SNAP91: variants seen among roughly 807,000 people sequenced by gnomAD.
The protein encoded by SNAP91 is synaptosome associated protein 91.
A neutral mutation model predicts 100.3 loss-of-function variants in SNAP91; 27 were observed. That is an observed-to-expected ratio of 0.27 (90% CI 0.20 to 0.37). The LOEUF (loss-of-function observed/expected upper bound fraction) is 0.37. Ranked by LOEUF, SNAP91 falls within the 10% of genes least tolerant of loss-of-function variation. SNAP91 has a pLI of 1.00. For synonymous variants in SNAP91, 404 were observed against 398.6 expected, an observed-to-expected ratio of 1.01 and a Z score of -0.16; for missense variants, 986 against 1,123.7, an observed-to-expected ratio of 0.88 and a Z score of 1.75.
At chr6:83,651,763 T>C (rs982812625) in intron 7 of SNAP91, among the ~76,000 whole-genome samples, 1 of 152,194 alleles carries the variant, frequency 6.6e-6, no homozygotes, top group African/African-American at 2.4e-5. Flanking sequence ...TTATATCTAG[T>C]TGATGGTGTT....
At chr6:83,654,948 T>A (rs1055413337) in intron 7 of SNAP91, among the ~76,000 whole-genome samples, 1 of 152,202 alleles carries the variant, frequency 6.6e-6, no homozygotes, top group African/African-American at 2.4e-5. Context: ...TTCTGTCATC[T>A]AGCAGAGATG....
chr6:83,620,699 G>C (rs188558543), intron 9 of SNAP91, among the ~76,000 whole-genome samples: 1 of 151,024 alleles, frequency 6.6e-6, no homozygotes, highest in African/African-American at 2.5e-5. Flanking sequence ...ATTTTTCTAT[G>C]AACAGGTTTT....
At chr6:83,582,497 T>G in intron 22 of SNAP91, 141 bp from the exon 23 acceptor site, 1 of 862,764 alleles carries the variant, frequency 1.2e-6, no homozygotes. Flanking sequence ...GAGAAGCTCA[T>G]TTCTGAAAAG....
chr6:83,663,061 T>G (rs1233110716), intron 3 of SNAP91, among the ~76,000 whole-genome samples: 2 of 152,142 alleles, frequency 1.3e-5, no homozygotes, highest in Non-Finnish European at 2.9e-5. Flanking sequence ...GTTACTAATG[T>G]AATTGTTCTG....
In SNAP91 at chr6:83,657,688, C is replaced by G. The variant is rs535569923; in HGVS notation, c.547-823G>C. Among the ~76,000 whole-genome samples, 11 of 151,768 alleles carry G rather than the reference C, an allele frequency of 7.2e-5. No individual in the cohort carries two copies. The South Asian group carries it at 2.3e-3, about 32-fold the overall frequency. ...GAAAATCTTTGTTGTAGGCAACTAC[C>G]AAAATACAAAAAGGCTGAACAATAT... is the stretch of plus-strand genomic sequence containing the variant. On this transcript the variant is annotated intron_variant, in intron 6 of 29. Coordinates refer to ENST00000369694, the MANE Select transcript of SNAP91 (RefSeq NM_001242792.2).
At chr6:83,554,692 G>A (rs2127737862) in intron 29 of SNAP91, among the ~76,000 whole-genome samples, 1 of 152,192 alleles carries the variant, frequency 6.6e-6, no homozygotes, top group Middle Eastern at 3.4e-3. Context: ...ATTCAGTTAT[G>A]GTGTTCAATG....
intron 2 of SNAP91, among the ~76,000 whole-genome samples, chr6:83,675,894 T>A: frequency 8.7e-6 from 1 of 114,314 alleles, no homozygotes; most frequent in East Asian, 2.5e-4. Flanking sequence ...TGGCTGCCAA[T>A]GTCAAAAAAG....
At chr6:83,557,981 T>C (rs763730580) in intron 28 of SNAP91, among the ~76,000 whole-genome samples, 4 of 151,904 alleles carry the variant, frequency 2.6e-5, no homozygotes, top group Admixed American at 6.6e-5. Context: ...AAAAATTACA[T>C]AAATATGGTG....
At chr6:83,701,303 G>T (rs1471063376) in intron 2 of SNAP91, among the ~76,000 whole-genome samples, 3 of 152,124 alleles carry the variant, frequency 2.0e-5, no homozygotes, top group Non-Finnish European at 4.4e-5. Context: ...AACTCATGTA[G>T]AAAGGACAGT....
chr6:83,705,885 T>C (rs1228672081), intron 2 of SNAP91, among the ~76,000 whole-genome samples: 1 of 151,474 alleles, frequency 6.6e-6, no homozygotes, highest in Non-Finnish European at 1.5e-5. Context: ...TAATATAAAG[T>C]TCAGTTCGTG....
intron 8 of SNAP91, among the ~76,000 whole-genome samples, chr6:83,629,168 C>G (rs1247897527): frequency 6.6e-6 from 1 of 152,024 alleles, no homozygotes; most frequent in Non-Finnish European, 1.5e-5. Context: ...GATCAGTAAG[C>G]TGTAAGTATT....
chr6:83,601,245 T>C (rs1223844737), intron 16 of SNAP91, 26 bp downstream of exon 16: 1 of 1,609,284 alleles, frequency 6.2e-7, no homozygotes, highest in Non-Finnish European at 8.5e-7. Context: ...CCTGAAAAAA[T>C]GAAAGTAGCA....
intron 16 of SNAP91, among the ~76,000 whole-genome samples, chr6:83,600,877 A>G (rs1040387600): frequency 2.6e-5 from 4 of 152,174 alleles, no homozygotes; most frequent in African/African-American, 7.2e-5. Context: ...TGCTCCTCCT[A>G]CATTCCCCAA....
intron 2 of SNAP91, among the ~76,000 whole-genome samples, chr6:83,704,567 T>C (rs2099355769): frequency 6.6e-6 from 1 of 152,118 alleles, no homozygotes; most frequent in Non-Finnish European, 1.5e-5. Context: ...TAAGTCACCA[T>C]GACTAACAAT....
chr6:83,614,457 T>C (rs1296961442), intron 11 of SNAP91, among the ~76,000 whole-genome samples: 1 of 152,216 alleles, frequency 6.6e-6, no homozygotes, highest in Non-Finnish European at 1.5e-5. Flanking sequence ...AGAATAGTTT[T>C]ATACTGTGAC....
At chr6:83,596,037 T>C (rs1180382110) in intron 16 of SNAP91, among the ~76,000 whole-genome samples, 2 of 152,202 alleles carry the variant, frequency 1.3e-5, no homozygotes, top group Non-Finnish European at 2.9e-5. Flanking sequence ...CTCTTTGTTA[T>C]ACTGAGGAAA....
intron 16 of SNAP91, among the ~76,000 whole-genome samples, chr6:83,596,348 A>G (rs2094468435): frequency 6.6e-6 from 1 of 152,194 alleles, no homozygotes; most frequent in South Asian, 2.1e-4. Context: ...ATACTTCAGG[A>G]CTTAGAGCAA....
At chr6:83,585,530 T>TAAAAA (rs762315224) in intron 22 of SNAP91, among the ~76,000 whole-genome samples, 1 of 49,780 alleles carries the variant, frequency 2.0e-5, no homozygotes, top group African/African-American at 1.2e-4. Flanking sequence ...CCTTGTTGCT[T>TAAAAA]AAAAAAAAAA....
intron 26 of SNAP91, among the ~76,000 whole-genome samples, chr6:83,565,610 G>A (rs1416770599): frequency 2.0e-5 from 3 of 152,072 alleles, no homozygotes; most frequent in Non-Finnish European, 4.4e-5. Context: ...GCCAGAGAGT[G>A]TAGGAGGGTA....
Sources: gnomAD v4.1 joint callset for allele counts (sites outside exome capture counted in the v4.1 genomes callset) on GRCh38, gnomAD v4.1.1 for gene constraint, MANE v1.5 for transcripts, NCBI Gene and HGNC (gene_info 2026-07-23, HGNC 2026-07-21) for gene names.